Variants in SUGT1 observed in about 807,000 individuals in gnomAD.
SUGT1 encodes the protein SGT1 assembly cochaperone of MIS12 kinetochore complex.
Under a neutral mutation model 56.1 loss-of-function variants are expected in SUGT1, and 15 were observed. The ratio of observed to expected loss-of-function variants is 0.27; its 90% CI spans 0.18 to 0.41. The LOEUF is 0.41. Among genes scored for constraint, SUGT1 ranks in the 10% least tolerant of loss-of-function variants. SUGT1 has a pLI of 1.00. For missense variants in SUGT1, 347 were observed against 382.2 expected (o/e 0.91, Z 0.77); for synonymous variants, 123 against 128.6 (o/e 0.96, Z 0.30).
At chr13:52,660,999 A>G (rs1050227642) in intron 5 of SUGT1, among the ~76,000 whole-genome samples, 1 of 151,862 alleles carries the variant, frequency 6.6e-6, no homozygotes, top group African/African-American at 2.4e-5. Flanking sequence ...TTTTGCAGAG[A>G]TGGGGATTTG....
intron 9 of SUGT1, 95 bp downstream of exon 9, chr13:52,665,828 T>C: frequency 1.3e-6 from 1 of 764,080 alleles, no homozygotes; most frequent in Non-Finnish European, 2.0e-6. Flanking sequence ...AGATAAATGC[T>C]ATTTCTTCCT....
intron 9 of SUGT1, 120 bp from the exon 10 acceptor site, chr13:52,666,692 C>T: frequency 1.4e-6 from 1 of 698,054 alleles, no homozygotes; most frequent in East Asian, 2.8e-5. Context: ...ATCTAAAATT[C>T]CATATATAAT....
intron 2 of SUGT1, among the ~76,000 whole-genome samples, chr13:52,657,078 A>G (rs1962201263): frequency 6.6e-6 from 1 of 152,188 alleles, no homozygotes. Context: ...TTGTGTATGT[A>G]TTGATTGTCT....
chr13:52,685,069 CTT>C (rs71094315), intron 12 of SUGT1, among the ~76,000 whole-genome samples: 2,492 of 140,978 alleles, frequency 0.018, 61 homozygotes, highest in African/African-American at 0.055. Context: ...CTTTTGGTGT[CTT>C]TTTTTTTTTT....
rs1963899348 is a variant in SUGT1 at position 52,695,344 on chromosome 13, G to A, written c.*7509G>A. 1 of 152,000 alleles carries A rather than the reference G, an allele frequency of 6.6e-6. No homozygotes were observed. Among genetic ancestry groups the A allele is most frequent in the Admixed American group, 6.6e-5 (1 of 15,252 alleles). 9.4% of individuals were successfully genotyped at this position (152,000 alleles called of 1,614,324 possible). ...TCACCACAGAGACAGGTGTTGTTTT[G>A]TAATGGAAGGAGTAGTAACTTATGA... On this transcript the variant is annotated 3_prime_UTR_variant, in exon 13 of 13. Transcript: ENST00000310528.
In SUGT1 at chr13:52,690,657, T is replaced by C. The variant is rs1193910371; in HGVS notation, c.*2822T>C. On this transcript the variant is annotated 3_prime_UTR_variant, in exon 13 of 13. Coordinates refer to ENST00000310528, the MANE Select transcript of SUGT1 (RefSeq NM_006704.5). ...TGCTATCTAGTAATCTCTTTAGATATCTATACCACAAGTTTGAAACATCAA... is the reference window on the plus strand; with the variant it reads ...TGCTATCTAGTAATCTCTTTAGATACCTATACCACAAGTTTGAAACATCAA... 1 of 152,186 alleles carries C rather than the reference T, an allele frequency of 6.6e-6. No homozygotes were observed. The highest frequency in any genetic ancestry group is 1.5e-5 in the Non-Finnish European group (1 of 68,048). The allele number at this position is 152,186 out of a possible 1,614,324, so 9.4% of individuals were successfully genotyped here.
At position 52,689,281 on chromosome 13, in the gene SUGT1, A is replaced by G. The variant is rs548295948; in HGVS notation, c.*1446A>G. On this transcript the variant is annotated 3_prime_UTR_variant, in exon 13 of 13. Coordinates refer to ENST00000310528, the MANE Select transcript of SUGT1 (RefSeq NM_006704.5). ...CTGTCCACTTAGAGCTACTAGATACATTTTTTTCTTCTTGAACACTGAAGG... is the reference window on the plus strand; with the variant it reads ...CTGTCCACTTAGAGCTACTAGATACGTTTTTTTCTTCTTGAACACTGAAGG... 3 of 152,170 alleles carry G rather than the reference A, an allele frequency of 2.0e-5. No homozygotes were observed. Among genetic ancestry groups the G allele is most frequent in the Admixed American group, 6.5e-5 (1 of 15,284 alleles). 9.4% of individuals were successfully genotyped at this position (152,170 alleles called of 1,614,324 possible).
At position 52,688,238 on chromosome 13, in the gene SUGT1, T is replaced by A. The variant is rs1963669459; in HGVS notation, c.*403T>A. 6.5e-6 allele frequency: 1 copy of A among 152,932 alleles called. No homozygotes were observed. 9.5% of individuals were successfully genotyped at this position (152,932 alleles called of 1,614,324 possible). A position where few individuals can be genotyped will look rare whatever the true frequency, so the allele number is the denominator to read the frequency against. The stretch of plus-strand genomic sequence containing the variant: ...ATTTTTCACCTTCAGTGTTACATTG[T>A]GTTTGCTTTTAAAAACTGCTTTTGA... On this transcript the variant is annotated 3_prime_UTR_variant, in exon 13 of 13. Transcript: ENST00000310528.
intron 9 of SUGT1, among the ~76,000 whole-genome samples, chr13:52,666,175 T>C (rs1255587852): frequency 6.6e-6 from 1 of 152,238 alleles, no homozygotes; most frequent in Non-Finnish European, 1.5e-5. Context: ...AGCCTCCTCC[T>C]CCTGGGTTCA....
chr13:52,680,155 T>C lies in SUGT1; in HGVS notation c.900T>C (p.Phe300=), dbSNP rs772845687. ...TGAAACGTGCCATGAACAAATCCTT[T>C]GTAAGAATATAAACTTAAAGAAATA... ...DEVKRAMNKS[F]MESGGTVLST... is the part of the protein sequence containing the mutation. The change falls in exon 12 of 13, where the codon TTT becomes TTC. Residue 300 remains phenylalanine, a splice_region_variant and synonymous_variant. Transcript: ENST00000310528. 6.4e-7 allele frequency: 1 copy of C among 1,572,448 alleles called. No individual in the cohort carries two copies. Among genetic ancestry groups the C allele is most frequent in the African/African-American group, 1.4e-5 (1 of 71,786 alleles).
At position 52,665,695 on chromosome 13, in the gene SUGT1, C is replaced by G. The variant is rs1323543732; in HGVS notation, c.481C>G (p.Gln161Glu). ...VVITLMIKNV[Q>E]KNDVNVEFSE... The stretch of plus-strand genomic sequence containing the variant: ...CATTACACTTATGATCAAGAATGTT[C>G]AGAAGAATGATGTAAATGTGGAATT... The change falls in exon 9 of 13, where the codon CAG becomes GAG. Residue 161 changes from glutamine to glutamate, a missense_variant. By Grantham distance (29) the Gln-to-Glu change is conservative. Transcript: ENST00000310528. The G allele has an allele frequency of 4.4e-6, 7 of 1,607,502 alleles. No homozygotes were observed. The highest frequency in any genetic ancestry group is 5.1e-6 in the Non-Finnish European group (6 of 1,177,964).
At chr13:52,653,132 C>G (rs770176842) in intron 2 of SUGT1, 29 bp downstream of exon 2, 1 of 1,613,942 alleles carries the variant, frequency 6.2e-7, no homozygotes, top group Non-Finnish European at 8.5e-7. Context: ...GCTTCCTCCA[C>G]TCTTCTTAGG....
intron 12 of SUGT1, among the ~76,000 whole-genome samples, chr13:52,680,503 C>G (rs1051528901): frequency 6.6e-6 from 1 of 151,942 alleles, no homozygotes; most frequent in South Asian, 2.1e-4. Flanking sequence ...AATATAGATA[C>G]GAAACTTTTC....
intron 9 of SUGT1, 53 bp from the exon 10 acceptor site, chr13:52,666,759 T>C: frequency 8.6e-7 from 1 of 1,165,616 alleles, no homozygotes; most frequent in Non-Finnish European, 1.3e-6. Context: ...GTAGGTTTTT[T>C]ACCCTCCATT....
At chr13:52,664,527 T>C (rs1962602030) in intron 8 of SUGT1, among the ~76,000 whole-genome samples, 1 of 152,226 alleles carries the variant, frequency 6.6e-6, no homozygotes, top group South Asian at 2.1e-4. Context: ...AATTATTCAT[T>C]AGCCTGTGTA....
intron 10 of SUGT1, among the ~76,000 whole-genome samples, chr13:52,668,754 A>G (rs1483228358): frequency 6.6e-6 from 1 of 151,728 alleles, no homozygotes; most frequent in Non-Finnish European, 1.5e-5. Flanking sequence ...GTATATGTCT[A>G]TCGAGATTGC....
At position 52,696,714 on chromosome 13, in the gene SUGT1, C is replaced by T. The variant is rs184264405; in HGVS notation, c.*8879C>T. 6.6e-6 allele frequency: 1 copy of T among 152,238 alleles called. No individual in the cohort carries two copies. Among genetic ancestry groups the T allele is most frequent in the African/African-American group, 2.4e-5 (1 of 41,542 alleles). The allele number at this position is 152,238 out of a possible 1,614,324, so 9.4% of individuals were successfully genotyped here. On this transcript the variant is annotated 3_prime_UTR_variant, in exon 13 of 13. Transcript: ENST00000310528. Reference sequence around the variant, plus strand: ...TCACAGGCGTGATAATTGTGTGTTACAGCCTCAAAGTCCAGGGCTCGAGTG... The same window carrying T: ...TCACAGGCGTGATAATTGTGTGTTATAGCCTCAAAGTCCAGGGCTCGAGTG...
rs892208183 is a variant in SUGT1 at position 52,653,235 on chromosome 13, C to T, written c.96+132C>T. The stretch of plus-strand genomic sequence containing the variant: ...TCTTGTTGATGCTGCGTCTCAGCTC[C>T]GGTATTGAGATTCTCCGTCTCTTTT... On this transcript the variant is annotated intron_variant, in intron 2 of 12. Transcript: ENST00000310528. The T allele has an allele frequency of 1.1e-5, 12 of 1,076,502 alleles. No individual in the cohort carries two copies. In the Admixed American group the frequency reaches 1.1e-4, roughly 10 times the overall value. 66.7% of individuals were successfully genotyped at this position (1,076,502 alleles called of 1,614,324 possible). A position where few individuals can be genotyped will look rare whatever the true frequency, so the allele number is the denominator to read the frequency against.
chr13:52,658,733 C>T (rs1425816771), intron 4 of SUGT1, among the ~76,000 whole-genome samples: 2 of 96,404 alleles, frequency 2.1e-5, no homozygotes, highest in African/African-American at 3.9e-5. Context: ...ATAGATTTCA[C>T]ATTGCTTTTT....
Sources: gnomAD v4.1 joint callset for allele counts (sites outside exome capture counted in the v4.1 genomes callset) on GRCh38, gnomAD v4.1.1 for gene constraint, MANE v1.5 for transcripts, NCBI Gene and HGNC (gene_info 2026-07-23, HGNC 2026-07-21) for gene names.